The following LHFPL2 variants were observed in gnomAD, a reference collection of about 807,000 sequenced individuals.
LHFPL2 encodes the protein LHFPL tetraspan subfamily member 2 protein.
LHFPL2 carries 7 observed loss-of-function variants against 17.5 expected under a neutral mutation model. That is an observed-to-expected ratio of 0.40 (90% CI 0.23 to 0.75). LHFPL2 has a LOEUF of 0.75. Among genes scored for constraint, LHFPL2 ranks in the 30% least tolerant of loss-of-function variants. LHFPL2 has a pLI of 0.37. For missense variants in LHFPL2, 241 were observed against 294.8 expected (o/e 0.82, Z 1.34); for synonymous variants, 134 against 116.2 (o/e 1.15, Z -0.99).
At chr5:78,561,824 C>T (rs1756736066) in intron 3 of LHFPL2, among the ~76,000 whole-genome samples, 2 of 152,100 alleles carry the variant, frequency 1.3e-5, no homozygotes, top group Admixed American at 6.5e-5. Flanking sequence ...AGGACATTCA[C>T]CTAATTATAA....
In LHFPL2 at chr5:78,489,139, G is replaced by A. The variant is rs1473059674; in HGVS notation, c.445C>T (p.Leu149Phe). 1 of 1,614,148 alleles carries A rather than the reference G, an allele frequency of 6.2e-7. No homozygotes were observed. The highest frequency in any genetic ancestry group is 8.5e-7 in the Non-Finnish European group (1 of 1,180,022). Residue 149 changes from leucine to phenylalanine, a missense_variant, in exon 5 of 5, where the codon CTC (leucine) becomes TTC (phenylalanine). Transcript: ENST00000380345. Reference protein sequence around the residue: ...LQGIAGLFLILGLILYPAGWG... With the variant: ...LQGIAGLFLIFGLILYPAGWG... ...CCAGCAGGGTAGAGTATCAAACCGA[G>A]GATAAGGAATAGACCTGCAGAACAA... is the stretch of plus-strand genomic sequence containing the variant.
intron 4 of LHFPL2, among the ~76,000 whole-genome samples, chr5:78,492,189 GC>G (rs1754469487): frequency 6.6e-6 from 1 of 152,212 alleles, no homozygotes; most frequent in Admixed American, 6.5e-5. Flanking sequence ...CTTTGGGTGT[GC>G]TGTAGCCTCT....
chr5:78,534,316 GCCGAGAGGGAGAAA>G (rs746412550), intron 3 of LHFPL2, among the ~76,000 whole-genome samples: 2 of 152,178 alleles, frequency 1.3e-5, no homozygotes, highest in Non-Finnish European at 2.9e-5. Context: ...TCACCATGAC[GCCGAGAGGGAGAAA>G]TGGCCGGGAG....
chr5:78,619,423 A>G (rs187798277), intron 2 of LHFPL2, among the ~76,000 whole-genome samples: 1 of 152,028 alleles, frequency 6.6e-6, no homozygotes, highest in African/African-American at 2.4e-5. Context: ...TAATGCTTTC[A>G]TCATCTCCAA....
chr5:78,584,177 C>T (rs1320410113), intron 2 of LHFPL2, among the ~76,000 whole-genome samples: 3 of 150,398 alleles, frequency 2.0e-5, no homozygotes, highest in Non-Finnish European at 3.0e-5. Flanking sequence ...TCTAGTTATA[C>T]ATTCTTCTAA....
intron 2 of LHFPL2, among the ~76,000 whole-genome samples, chr5:78,606,031 C>A (rs1472650619): frequency 6.6e-6 from 1 of 152,194 alleles, no homozygotes; most frequent in Non-Finnish European, 1.5e-5. Context: ...GTGTCACCTA[C>A]AAAAATTCTG....
At chr5:78,645,627 G>C (rs1230083272) in intron 1 of LHFPL2, among the ~76,000 whole-genome samples, 1 of 150,276 alleles carries the variant, frequency 6.7e-6, no homozygotes, top group African/African-American at 2.5e-5. Flanking sequence ...CTGTCACCCA[G>C]ACTGGAGTGC....
chr5:78,584,961 G>A (rs1743314036), intron 2 of LHFPL2, among the ~76,000 whole-genome samples: 1 of 147,944 alleles, frequency 6.8e-6, no homozygotes, highest in Non-Finnish European at 1.5e-5. Context: ...GAACCTCTGA[G>A]CCAGGTGCGG....
rs1755053612 is a variant in LHFPL2, at chr5:78,509,941, C to G, written c.273G>C (p.Glu91Asp). ...TGGCCTGCCAGAAGCCGCTGGCGAT[C>G]TCGCCGAAGCTCTCGGCGTAGGGCC... is the stretch of plus-strand genomic sequence containing the variant. ...LCGPYAESFG[E>D]IASGFWQATA... Residue 91 changes from glutamate (E) to aspartate (D), a missense_variant, in exon 4 of 5, where the codon GAG (glutamate) becomes GAC (aspartate). By Grantham distance (45) the Glu-to-Asp change is conservative (BLOSUM62 2). Transcript: ENST00000380345. The G allele has an allele frequency of 1.2e-6, 2 of 1,613,814 alleles. No individual in the cohort carries two copies. Among genetic ancestry groups the G allele is most frequent in the Admixed American group, 1.7e-5 (1 of 60,036 alleles).
chr5:78,527,638 T>C (rs1166084966), intron 3 of LHFPL2, among the ~76,000 whole-genome samples: 1 of 152,140 alleles, frequency 6.6e-6, no homozygotes, highest in Non-Finnish European at 1.5e-5. Flanking sequence ...TTCACTGCAC[T>C]TCTAATGAAG....
At chr5:78,540,326 T>C (rs547797222) in intron 3 of LHFPL2, among the ~76,000 whole-genome samples, 13 of 152,348 alleles carry the variant, frequency 8.5e-5, no homozygotes, top group Admixed American at 3.9e-4. Context: ...GGAGATGATG[T>C]CTGTCTGGGC....
intron 3 of LHFPL2, among the ~76,000 whole-genome samples, chr5:78,533,459 G>A (rs945795851): frequency 8.5e-5 from 13 of 152,210 alleles, no homozygotes; most frequent in African/African-American, 2.9e-4. Flanking sequence ...TCCTGTTCAC[G>A]CTGTGAGAGT....
intron 2 of LHFPL2, among the ~76,000 whole-genome samples, chr5:78,577,596 C>T (rs1757165046): frequency 6.6e-6 from 1 of 152,148 alleles, no homozygotes; most frequent in Non-Finnish European, 1.5e-5. Flanking sequence ...TGGCTCACTA[C>T]GGACAGTCAT....
intron 3 of LHFPL2, among the ~76,000 whole-genome samples, 199 bp from the exon 4 acceptor site, chr5:78,510,597 T>C (rs1755087307): frequency 6.6e-6 from 1 of 152,250 alleles, no homozygotes; most frequent in Admixed American, 6.5e-5. Flanking sequence ...TAGAACTCTA[T>C]GTGGCAGTTA....
intron 2 of LHFPL2, among the ~76,000 whole-genome samples, chr5:78,575,440 T>G (rs1757105913): frequency 6.6e-6 from 1 of 151,984 alleles, no homozygotes; most frequent in Non-Finnish European, 1.5e-5. Context: ...TCCCAGCTAC[T>G]CGGGAGGCTG....
intron 3 of LHFPL2, among the ~76,000 whole-genome samples, chr5:78,520,581 C>T (rs1165863845): frequency 6.6e-6 from 1 of 152,212 alleles, no homozygotes; most frequent in African/African-American, 2.4e-5. Context: ...CGGGGAGACC[C>T]CACAGGTTAC....
intron 4 of LHFPL2, among the ~76,000 whole-genome samples, chr5:78,492,409 GC>G (rs1371187639): frequency 6.6e-6 from 1 of 152,328 alleles, no homozygotes; most frequent in African/African-American, 2.4e-5. Flanking sequence ...GTCAGGCTCT[GC>G]CTAGTTTGTA....
At chr5:78,532,607 T>G (rs575467317) in intron 3 of LHFPL2, among the ~76,000 whole-genome samples, 201 of 152,298 alleles carry the variant, frequency 1.3e-3, no homozygotes, top group African/African-American at 4.7e-3. Context: ...GCACCATCAT[T>G]AGGTTTCAGT....
At chr5:78,559,691 T>C (rs1756672151) in intron 3 of LHFPL2, among the ~76,000 whole-genome samples, 1 of 152,208 alleles carries the variant, frequency 6.6e-6, no homozygotes, top group Non-Finnish European at 1.5e-5. Context: ...TGGTCCAATT[T>C]ACCATCGAGT....
Sources: gnomAD v4.1 joint callset for allele counts (sites outside exome capture counted in the v4.1 genomes callset) on GRCh38, gnomAD v4.1.1 for gene constraint, MANE v1.5 for transcripts, NCBI Gene and HGNC (gene_info 2026-07-23, HGNC 2026-07-21) for gene names.